TMEM74: variants seen among roughly 807,000 people sequenced by gnomAD.
The protein encoded by TMEM74 is transmembrane protein 74.
A neutral mutation model predicts 18.1 loss-of-function variants in TMEM74; 13 were observed. The ratio of observed to expected loss-of-function variants is 0.72; its 90% CI spans 0.47 to 1.14. The LOEUF (loss-of-function observed/expected upper bound fraction) is 1.14, where lower values mean the gene tolerates loss of function less well. TMEM74 is among the 50% of genes most tolerant of loss of function. The probability of loss-of-function intolerance (pLI) is 0.00; values close to 1 mark genes in which losing one functional copy is unlikely to be tolerated. For missense variants in TMEM74, 372 were observed against 375.9 expected (o/e 0.99, Z 0.09); for synonymous variants, 159 against 146.6 (o/e 1.08, Z -0.61).
chr8:108,785,236 C>T (rs1814370259), intron 1 of TMEM74, 99 bp from the exon 2 acceptor site: 1 of 838,264 alleles, frequency 1.2e-6, no homozygotes. Flanking sequence ...CACAGCTGCA[C>T]CTGTTTAGCC....
intron 1 of TMEM74, among the ~76,000 whole-genome samples, chr8:108,773,744 C>T (rs1309033164): frequency 1.3e-5 from 2 of 152,142 alleles, no homozygotes; most frequent in Non-Finnish European, 2.9e-5. Context: ...ATCAAGACCT[C>T]CTGCCAACAG....
intron 1 of TMEM74, among the ~76,000 whole-genome samples, chr8:108,767,549 G>A (rs1448321209): frequency 6.6e-6 from 1 of 152,106 alleles, no homozygotes; most frequent in Non-Finnish European, 1.5e-5. Context: ...TTTATATACA[G>A]ATCTGTGTGA....
chr8:108,730,650 T>C (rs956732764), intron 1 of TMEM74, among the ~76,000 whole-genome samples: 1 of 151,198 alleles, frequency 6.6e-6, no homozygotes, highest in South Asian at 2.1e-4. Context: ...TTTTTTTTTT[T>C]TGTGACGGAG....
intron 2 of TMEM74, among the ~76,000 whole-genome samples, chr8:108,612,571 G>A (rs1812344280): frequency 6.6e-6 from 1 of 152,152 alleles, no homozygotes; most frequent in Non-Finnish European, 1.5e-5. Flanking sequence ...GCTTTAACAG[G>A]AGTCAATCTA....
chr8:108,755,177 C>T (rs1813947530), intron 1 of TMEM74, among the ~76,000 whole-genome samples: 1 of 152,072 alleles, frequency 6.6e-6, no homozygotes, highest in Non-Finnish European at 1.5e-5. Context: ...CAGTCAAGGC[C>T]TGCCTTTAGT....
At chr8:108,636,582 C>T (rs1812608564) in intron 2 of TMEM74, among the ~76,000 whole-genome samples, 1 of 152,018 alleles carries the variant, frequency 6.6e-6, no homozygotes, top group Non-Finnish European at 1.5e-5. Flanking sequence ...AAAACTAAGG[C>T]TGTAGCATTT....
intron 1 of TMEM74, among the ~76,000 whole-genome samples, chr8:108,730,634 C>CTT (rs1199122765): frequency 4.3e-4 from 57 of 132,182 alleles, no homozygotes; most frequent in South Asian, 9.4e-4. Context: ...TGCAGACTTC[C>CTT]TTTTTTTTTT....
chr8:108,767,948 C>T (rs547879283), intron 1 of TMEM74, among the ~76,000 whole-genome samples: 41 of 151,902 alleles, frequency 2.7e-4, no homozygotes, highest in East Asian at 7.7e-4. Context: ...TCAAATGATA[C>T]GCTTCCACAT....
In TMEM74 at chr8:108,779,357, C is replaced by A. The variant is rs1176275240; in HGVS notation, c.*4824G>T. ...ATTTGTTTGGAGCCTGGCTAGGAAG[C>A]CTGAAGATGGCAGTGAAAAAATAGG... On this transcript the variant is annotated 3_prime_UTR_variant, in exon 2 of 2. Transcript: ENST00000297459. 6.6e-6 allele frequency among the ~76,000 whole-genome samples: 1 copy of A among 152,038 alleles called. No homozygotes were observed. Among genetic ancestry groups the A allele is most frequent in the Non-Finnish European group, 1.5e-5 (1 of 67,992 alleles).
chr8:108,784,354 A>G lies in TMEM74; in HGVS notation c.745T>C (p.Leu249=). The G allele has an allele frequency of 6.2e-7, 1 of 1,614,108 alleles. No homozygotes were observed. Among genetic ancestry groups the G allele is most frequent in the South Asian group, 1.1e-5 (1 of 91,070 alleles). The change falls in exon 2 of 2, where the codon TTG becomes CTG. Residue 249 remains leucine (L), a synonymous_variant. Transcript: ENST00000297459. The part of the protein sequence containing the change: ...LTLGGVILSC[L]LMMSMWKGEL... ...CCCTTCCACATGGACATCATTAACA[A>G]GCAGGACAGGATGACGCCCCCCAGC...
chr8:108,649,950 G>C lies in TMEM74; in HGVS notation n.264+5343C>G, dbSNP rs115759722. 8.1e-3 allele frequency among the ~76,000 whole-genome samples: 1,234 copies of C among 152,212 alleles called. 18 individuals carry two copies. The highest frequency in any genetic ancestry group is 0.026 in the African/African-American group (1,087 of 41,546). Reference sequence around the variant, plus strand: ...AAATAGAGGCCATCAGATATTAACAGTTTCCCTTCCCTACATTATAAAACT... The same window carrying C: ...AAATAGAGGCCATCAGATATTAACACTTTCCCTTCCCTACATTATAAAACT... On this transcript the variant is annotated intron_variant and non_coding_transcript_variant, in intron 2 of 3. Transcript: ENST00000518838.
At chr8:108,665,403 G>C (rs1052027370) in intron 1 of TMEM74, among the ~76,000 whole-genome samples, 6 of 152,058 alleles carry the variant, frequency 3.9e-5, no homozygotes, top group African/African-American at 1.4e-4. Flanking sequence ...TGGGCATCAG[G>C]GAGAAAGAGT....
intron 1 of TMEM74, among the ~76,000 whole-genome samples, chr8:108,687,492 T>C (rs770377434): frequency 6.6e-6 from 1 of 152,162 alleles, no homozygotes; most frequent in Non-Finnish European, 1.5e-5. Context: ...GTTTTCGGGA[T>C]GATTCAAGCA....
At chr8:108,776,598 T>C (rs1814235911), downstream of TMEM74, among the ~76,000 whole-genome samples, 1 of 152,248 alleles carries the variant, frequency 6.6e-6, no homozygotes. Flanking sequence ...TTACATACCA[T>C]ACTCCACAAT....
chr8:108,634,477 T>A (rs906574475), intron 2 of TMEM74, among the ~76,000 whole-genome samples: 1 of 152,016 alleles, frequency 6.6e-6, no homozygotes, highest in African/African-American at 2.4e-5. Context: ...GAAAGACAGC[T>A]GTCCTGTGGG....
chr8:108,611,082 AC>A (rs1414364011), intron 2 of TMEM74, among the ~76,000 whole-genome samples: 2 of 152,220 alleles, frequency 1.3e-5, no homozygotes, highest in Admixed American at 1.3e-4. Context: ...TAGTCTCTGA[AC>A]AACTATTATC....
At chr8:108,635,280 T>C (rs1812596295) in intron 2 of TMEM74, among the ~76,000 whole-genome samples, 1 of 151,984 alleles carries the variant, frequency 6.6e-6, no homozygotes, top group Non-Finnish European at 1.5e-5. Context: ...GCATTTTTTT[T>C]TTCCTGTTAC....
exon 4 of TMEM74, chr8:108,607,639 C>T (rs1287189447): frequency 6.6e-6 from 1 of 152,164 alleles, no homozygotes; most frequent in Non-Finnish European, 1.5e-5. Flanking sequence ...GGTATTCTGT[C>T]CATAAATGGC....
At chr8:108,684,295 C>G (rs985310567) in intron 1 of TMEM74, among the ~76,000 whole-genome samples, 1 of 151,926 alleles carries the variant, frequency 6.6e-6, no homozygotes, top group African/African-American at 2.4e-5. Flanking sequence ...TAATAGCCAT[C>G]CTAAGTGGGG....
Sources: gnomAD v4.1 joint callset for allele counts (sites outside exome capture counted in the v4.1 genomes callset) on GRCh38, gnomAD v4.1.1 for gene constraint, MANE v1.5 for transcripts, NCBI Gene and HGNC (gene_info 2026-07-23, HGNC 2026-07-21) for gene names.